The following JARID2 variants were observed in gnomAD, a reference collection of about 807,000 sequenced individuals.
The protein encoded by JARID2 is protein Jumonji.
In JARID2, 21 loss-of-function variants were observed where a neutral mutation model predicts 125.6. The ratio of observed to expected loss-of-function variants is 0.17; its 90% CI spans 0.12 to 0.24. JARID2 has a LOEUF of 0.24. Ranked by LOEUF, JARID2 falls within the 10% of genes least tolerant of loss-of-function variation. The pLI, the probability that JARID2 is intolerant of heterozygous loss-of-function variation, is 1.00. For synonymous variants in JARID2, 736 were observed against 661.6 expected, an observed-to-expected ratio of 1.11 and a Z score of -1.73; for missense variants, 1,303 against 1,639.6, an observed-to-expected ratio of 0.79 and a Z score of 3.55.
At position 15,295,356 on chromosome 6, in the gene JARID2, C is replaced by T. The variant is rs6914154; in HGVS notation, c.45+48772C>T. 7.5e-3 allele frequency among the ~76,000 whole-genome samples: 1,142 copies of T among 152,148 alleles called. 23 individuals are homozygous for T. Among genetic ancestry groups the T allele is most frequent in the African/African-American group, 0.025 (1,053 of 41,508 alleles). On this transcript the variant is annotated intron_variant, in intron 1 of 17. Transcript: ENST00000341776. The stretch of plus-strand genomic sequence containing the variant: ...CAGGATGGTCTTGATCTCCTGACCT[C>T]GTGATCCGCCTGCCTCAGCCTCTGA...
intron 12 of JARID2, among the ~76,000 whole-genome samples, chr6:15,510,077 C>G (rs1324951074): frequency 1.3e-5 from 2 of 152,152 alleles, no homozygotes; most frequent in Non-Finnish European, 2.9e-5. Flanking sequence ...ATCACAGACA[C>G]ATAGGGGCTG....
intron 1 of JARID2, among the ~76,000 whole-genome samples, chr6:15,353,653 G>A (rs1763503392): frequency 6.6e-6 from 1 of 151,892 alleles, no homozygotes; most frequent in Admixed American, 6.6e-5. Context: ...GGAATTCCAT[G>A]TTTCTCTTTA....
intron 2 of JARID2, among the ~76,000 whole-genome samples, chr6:15,403,340 T>A (rs1056713657): frequency 1.3e-5 from 2 of 152,218 alleles, no homozygotes; most frequent in Admixed American, 1.3e-4. Context: ...TCTGTCCCCC[T>A]GGGATTGTTG....
At chr6:15,321,831 C>T (rs972466039) in intron 1 of JARID2, among the ~76,000 whole-genome samples, 3 of 118,080 alleles carry the variant, frequency 2.5e-5, no homozygotes, top group African/African-American at 6.5e-5. Flanking sequence ...CTCACTTTGT[C>T]GCCCAGGTTG....
intron 1 of JARID2, among the ~76,000 whole-genome samples, chr6:15,290,575 C>G (rs1487381515): frequency 1.3e-5 from 2 of 152,126 alleles, no homozygotes; most frequent in African/African-American, 4.8e-5. Context: ...TAGTATTTGG[C>G]CAGAATCAAT....
intron 12 of JARID2, among the ~76,000 whole-genome samples, chr6:15,510,516 C>T (rs1771225382): frequency 6.6e-6 from 1 of 152,194 alleles, no homozygotes; most frequent in Admixed American, 6.5e-5. Context: ...CCTTTTCTTA[C>T]ACTTGAGGAC....
chr6:15,385,964 C>G (rs532659226), intron 2 of JARID2, among the ~76,000 whole-genome samples: 133 of 152,266 alleles, frequency 8.7e-4, no homozygotes, highest in Admixed American at 4.0e-3. Flanking sequence ...GCCTTGTGTC[C>G]TTTCTTTCTG....
At chr6:15,409,631 C>CTGCTTATCATCTGCT (rs1409711135) in intron 2 of JARID2, among the ~76,000 whole-genome samples, 10 of 152,350 alleles carry the variant, frequency 6.6e-5, no homozygotes, top group African/African-American at 2.2e-4. Flanking sequence ...CAAGACTCCC[C>CTGCTTATCATCTGCT]TGCTTATCAT....
chr6:15,472,210 C>T (rs774116538), intron 5 of JARID2, among the ~76,000 whole-genome samples: 1 of 151,862 alleles, frequency 6.6e-6, no homozygotes, highest in Non-Finnish European at 1.5e-5. Flanking sequence ...ACACACCCAC[C>T]TCCTACTGCT....
chr6:15,284,877 A>G (rs577832833), intron 1 of JARID2, among the ~76,000 whole-genome samples: 1 of 152,236 alleles, frequency 6.6e-6, no homozygotes, highest in African/African-American at 2.4e-5. Context: ...AAAGGCAGCA[A>G]ACATAAAGCT....
chr6:15,352,692 G>T (rs531740400), intron 1 of JARID2, among the ~76,000 whole-genome samples: 2 of 152,320 alleles, frequency 1.3e-5, no homozygotes, highest in East Asian at 3.9e-4. Context: ...GACAATGATG[G>T]TGTGCTTCCA....
chr6:15,347,928 T>A (rs1002838475), intron 1 of JARID2, among the ~76,000 whole-genome samples: 2 of 152,132 alleles, frequency 1.3e-5, no homozygotes, highest in African/African-American at 4.8e-5. Flanking sequence ...ATTTTAAAAA[T>A]GTTTTTGTAT....
At chr6:15,497,257 C>T in intron 7 of JARID2, 87 bp downstream of exon 7, 3 of 1,062,290 alleles carry the variant, frequency 2.8e-6, no homozygotes, top group African/African-American at 1.6e-5. Flanking sequence ...ACGTTCTCTT[C>T]CCTTGCGAAA....
chr6:15,282,546 CTCTG>C (rs1203641106), intron 1 of JARID2, among the ~76,000 whole-genome samples: 6 of 151,874 alleles, frequency 4.0e-5, no homozygotes, highest in Admixed American at 6.6e-5. Flanking sequence ...CTCTTTCTCT[CTCTG>C]TCTTTGTCTT....
At chr6:15,395,739 A>G (rs1765196710) in intron 2 of JARID2, among the ~76,000 whole-genome samples, 1 of 151,276 alleles carries the variant, frequency 6.6e-6, no homozygotes, top group South Asian at 2.1e-4. Flanking sequence ...ATCTCAGCTC[A>G]CTGCAGTGTT....
intron 3 of JARID2, 45 bp downstream of exon 3, chr6:15,410,410 T>C: frequency 6.3e-7 from 1 of 1,590,782 alleles, no homozygotes; most frequent in Non-Finnish European, 8.6e-7. Flanking sequence ...AACCAGGGAC[T>C]GCAAACTCAG....
chr6:15,405,933 A>G (rs1470984116), intron 2 of JARID2, among the ~76,000 whole-genome samples: 1 of 152,180 alleles, frequency 6.6e-6, no homozygotes, highest in African/African-American at 2.4e-5. Flanking sequence ...TCAAAATGAA[A>G]TGTGGTAGCC....
chr6:15,358,754 TTCTC>T (rs1363043061), intron 1 of JARID2, among the ~76,000 whole-genome samples: 2 of 152,254 alleles, frequency 1.3e-5, no homozygotes, highest in Admixed American at 6.5e-5. Flanking sequence ...TTTCCCTTCT[TTCTC>T]TCTACAGTTA....
intron 1 of JARID2, among the ~76,000 whole-genome samples, chr6:15,301,507 C>CAA: frequency 6.6e-6 from 1 of 152,136 alleles, no homozygotes; most frequent in Admixed American, 6.5e-5. Flanking sequence ...TGGAGGTTAA[C>CAA]TTACACTGAT....
Sources: gnomAD v4.1 joint callset for allele counts (sites outside exome capture counted in the v4.1 genomes callset) on GRCh38, gnomAD v4.1.1 for gene constraint, MANE v1.5 for transcripts, NCBI Gene and HGNC (gene_info 2026-07-23, HGNC 2026-07-21) for gene names.